Variants in RERG observed in about 807,000 individuals in gnomAD.
RERG encodes ras-related and estrogen-regulated growth inhibitor.
In RERG, 25 loss-of-function variants were observed where a neutral mutation model predicts 23.2. That is an observed-to-expected ratio of 1.08 (90% CI 0.79 to 1.50). The LOEUF is 1.50. RERG is among the 40% of genes most tolerant of loss of function. The probability of loss-of-function intolerance (pLI) is 0.00; values close to 1 mark genes in which losing one functional copy is unlikely to be tolerated. For synonymous variants in RERG, 81 were observed against 89.1 expected (o/e 0.91, Z 0.51); for missense variants, 253 against 250.1 (o/e 1.01, Z -0.08).
chr12:15,160,437 G>A (rs1191851476), intron 2 of RERG, among the ~76,000 whole-genome samples: 1 of 152,002 alleles, frequency 6.6e-6, no homozygotes, highest in Non-Finnish European at 1.5e-5. Context: ...CTTTTGTTAA[G>A]GGCTCCATCT....
intron 2 of RERG, among the ~76,000 whole-genome samples, chr12:15,132,634 G>A (rs780645873): frequency 2.0e-4 from 31 of 152,160 alleles, no homozygotes; most frequent in Non-Finnish European, 3.4e-4. Flanking sequence ...CAAACTGGCT[G>A]TACCATTTTG....
At chr12:15,110,517 C>T (rs537649073) in intron 4 of RERG, among the ~76,000 whole-genome samples, 13 of 122,222 alleles carry the variant, frequency 1.1e-4, no homozygotes, top group Admixed American at 6.3e-4. Flanking sequence ...CTCACTCTGT[C>T]GCCCAGGCTG....
chr12:15,200,974 A>G (rs1210918191), intron 2 of RERG, among the ~76,000 whole-genome samples: 1 of 151,942 alleles, frequency 6.6e-6, no homozygotes, highest in East Asian at 1.9e-4. Flanking sequence ...TCCTTCACAT[A>G]CTGCTGGGCC....
At chr12:15,188,088 T>C (rs1865019020) in intron 2 of RERG, among the ~76,000 whole-genome samples, 1 of 152,006 alleles carries the variant, frequency 6.6e-6, no homozygotes, top group South Asian at 2.1e-4. Context: ...GGATGAGAAA[T>C]AGATATCCAG....
intron 2 of RERG, among the ~76,000 whole-genome samples, chr12:15,216,050 G>C (rs1039231279): frequency 2.0e-5 from 3 of 152,180 alleles, no homozygotes; most frequent in Non-Finnish European, 4.4e-5. Flanking sequence ...CCTAGACCCT[G>C]CACTCACAAG....
chr12:15,221,370 G>C lies in RERG; in HGVS notation c.-290C>G, dbSNP rs963734758. ...CAGAAGCAAGTGCCAGTGGCCCGGC[G>C]GGGGTCTCCTCACTCGCGCTCGCTC... is the stretch of plus-strand genomic sequence containing the variant. On this transcript the variant is annotated 5_prime_UTR_variant, in exon 1 of 5. Coordinates refer to ENST00000256953, the MANE Select transcript of RERG (RefSeq NM_032918.3). The C allele has an allele frequency of 6.6e-6, 1 of 152,282 alleles. No individual in the cohort carries two copies. The highest frequency in any genetic ancestry group is 2.1e-4 in the South Asian group (1 of 4,836). The allele number at this position is 152,282 out of a possible 1,614,324, so 9.4% of individuals were successfully genotyped here.
At chr12:15,170,698 C>T (rs947242437) in intron 2 of RERG, among the ~76,000 whole-genome samples, 1 of 152,178 alleles carries the variant, frequency 6.6e-6, no homozygotes, top group Non-Finnish European at 1.5e-5. Context: ...AGTGTGAAGG[C>T]ACACTGAGCA....
intron 4 of RERG, 186 bp downstream of exon 4, chr12:15,111,158 T>C (rs989069294): frequency 2.0e-6 from 1 of 490,244 alleles, no homozygotes; most frequent in Non-Finnish European, 3.6e-6. Context: ...CACTGGGCAG[T>C]TTATATAAGG....
chr12:15,170,686 G>A, intron 2 of RERG, among the ~76,000 whole-genome samples: 1 of 152,164 alleles, frequency 6.6e-6, no homozygotes. Flanking sequence ...GCAGAGTTCT[G>A]CAGTGTGAAG....
Position 15,207,081 on chromosome 12 carries a change from G to A in RERG, c.61+10348C>T, listed in dbSNP as rs760617374. ...CCTGCACCAAGAACCAAAGACCTATGCTTTTGTTAACCAGTTGTAAGTTAC... is the reference window on the plus strand; with the variant it reads ...CCTGCACCAAGAACCAAAGACCTATACTTTTGTTAACCAGTTGTAAGTTAC... On this transcript the variant is annotated intron_variant, in intron 2 of 4. Coordinates refer to ENST00000256953, the MANE Select transcript of RERG (RefSeq NM_032918.3). 3.3e-5 allele frequency among the ~76,000 whole-genome samples: 5 copies of A among 152,178 alleles called. No homozygotes were observed. In the South Asian group the frequency reaches 1.0e-3, roughly 32 times the overall value.
At chr12:15,164,108 A>C (rs1591654348) in intron 2 of RERG, among the ~76,000 whole-genome samples, 1 of 152,214 alleles carries the variant, frequency 6.6e-6, no homozygotes, top group East Asian at 1.9e-4. Context: ...TTACTCAGTT[A>C]ATTGACTAGC....
chr12:15,132,604 G>T (rs1024992678), intron 2 of RERG, among the ~76,000 whole-genome samples: 28 of 152,266 alleles, frequency 1.8e-4, no homozygotes, highest in Non-Finnish European at 3.5e-4. Context: ...AGCTTTGTAA[G>T]AAACTGCCAA....
chr12:15,126,157 T>TATATATATA (rs1555120854), intron 2 of RERG, among the ~76,000 whole-genome samples: 1,540 of 55,290 alleles, frequency 0.028, 65 homozygotes, highest in African/African-American at 0.078. Context: ...ATATATGTAT[T>TATATATATA]TACACACATA....
chr12:15,211,331 T>G (rs1020846369), intron 2 of RERG, among the ~76,000 whole-genome samples: 1 of 138,896 alleles, frequency 7.2e-6, no homozygotes, highest in Admixed American at 7.1e-5. Context: ...ACACACACTA[T>G]GGAATGCTAT....
chr12:15,176,549 A>G (rs1213606933), intron 2 of RERG, among the ~76,000 whole-genome samples: 2 of 152,068 alleles, frequency 1.3e-5, no homozygotes, highest in Non-Finnish European at 2.9e-5. Context: ...GCTGTTGTTT[A>G]TTAGCAAACA....
At position 15,111,450 on chromosome 12, in the gene RERG, G is replaced by T. The variant is rs776340723; in HGVS notation, c.119-33C>A. The T allele has an allele frequency of 2.0e-6, 3 of 1,526,772 alleles. No individual in the cohort carries two copies. In the Admixed American group the frequency reaches 5.4e-5, roughly 28 times the overall value. 94.6% of individuals were successfully genotyped at this position (1,526,772 alleles called of 1,614,324 possible). ...AATGAGCAAATAAAAAAGACAAAAA[G>T]ATAAATAAATGCAAGATTTAATTTG... On this transcript the variant is annotated intron_variant, in intron 3 of 4. Transcript: ENST00000256953.
intron 2 of RERG, among the ~76,000 whole-genome samples, chr12:15,136,327 T>A (rs901479283): frequency 1.2e-4 from 18 of 152,052 alleles, no homozygotes; most frequent in Non-Finnish European, 2.2e-4. Flanking sequence ...ATTTTATTGA[T>A]CTTTTCAAAT....
At chr12:15,161,485 C>T (rs1461777627) in intron 2 of RERG, among the ~76,000 whole-genome samples, 1 of 152,186 alleles carries the variant, frequency 6.6e-6, no homozygotes, top group East Asian at 1.9e-4. Context: ...CCTCCTTCTT[C>T]CCATTTACAT....
At chr12:15,118,855 A>G (rs1863780083) in intron 3 of RERG, among the ~76,000 whole-genome samples, 1 of 151,642 alleles carries the variant, frequency 6.6e-6, no homozygotes, top group South Asian at 2.1e-4. Flanking sequence ...AGCCAATTAA[A>G]CCTCTTTTCT....
Sources: gnomAD v4.1 joint callset for allele counts (sites outside exome capture counted in the v4.1 genomes callset) on GRCh38, gnomAD v4.1.1 for gene constraint, MANE v1.5 for transcripts, NCBI Gene and HGNC (gene_info 2026-07-23, HGNC 2026-07-21) for gene names.